Variants in IPO11 observed in about 807,000 individuals in gnomAD.
IPO11 encodes importin-11.
In IPO11, 66 loss-of-function variants were observed where a neutral mutation model predicts 143.2. The ratio of observed to expected loss-of-function variants is 0.46; its 90% CI spans 0.38 to 0.57. The LOEUF (loss-of-function observed/expected upper bound fraction) is 0.57, where lower values mean the gene tolerates loss of function less well. Ranked by LOEUF, IPO11 falls within the 20% of genes least tolerant of loss-of-function variation. The probability of loss-of-function intolerance (pLI) is 0.00; values close to 1 mark genes in which losing one functional copy is unlikely to be tolerated. For synonymous variants in IPO11, 385 were observed against 377.8 expected (o/e 1.02, Z -0.22); for missense variants, 1,026 against 1,141.0 (o/e 0.90, Z 1.45).
At chr5:62,467,298 G>A in intron 6 of IPO11, 35 bp downstream of exon 6, 2 of 1,594,046 alleles carry the variant, frequency 1.3e-6, no homozygotes, top group Non-Finnish European at 1.7e-6. Flanking sequence ...TTTTTGAAAT[G>A]AGATACCTCA....
intron 9 of IPO11, among the ~76,000 whole-genome samples, chr5:62,477,658 A>G (rs1746007931): frequency 6.6e-6 from 1 of 152,260 alleles, no homozygotes; most frequent in South Asian, 2.1e-4. Flanking sequence ...TACAGTATAT[A>G]TCACTGACAC....
At chr5:62,492,036 A>G (rs1746633075) in intron 15 of IPO11, among the ~76,000 whole-genome samples, 1 of 152,186 alleles carries the variant, frequency 6.6e-6, no homozygotes, top group African/African-American at 2.4e-5. Flanking sequence ...GATGTAGACC[A>G]GTGTTTCTCA....
chr5:62,438,855 T>C (rs925852676), intron 2 of IPO11, among the ~76,000 whole-genome samples: 20 of 151,986 alleles, frequency 1.3e-4, no homozygotes, highest in African/African-American at 4.8e-4. Flanking sequence ...ACCAGGAGAT[T>C]GAGACCATCC....
At chr5:62,533,952 T>TAA (rs745795199) in intron 22 of IPO11, among the ~76,000 whole-genome samples, 5 of 58,732 alleles carry the variant, frequency 8.5e-5, no homozygotes, top group Non-Finnish European at 1.4e-4. Context: ...GCTTTCTCTT[T>TAA]AAAAAAAAAA....
At chr5:62,436,935 C>T (rs192647919) in intron 1 of IPO11, among the ~76,000 whole-genome samples, 141 of 152,302 alleles carry the variant, frequency 9.3e-4, no homozygotes, top group African/African-American at 3.3e-3. Flanking sequence ...AGACAGAAGA[C>T]ATTATGCTTA....
intron 1 of IPO11, among the ~76,000 whole-genome samples, chr5:62,416,970 C>T (rs1023578835): frequency 8.6e-5 from 13 of 151,944 alleles, no homozygotes; most frequent in Admixed American, 2.0e-4. Context: ...TGGGTTCAAG[C>T]GATCCACTGG....
chr5:62,458,546 C>T (rs1169630559), intron 5 of IPO11, among the ~76,000 whole-genome samples: 1 of 152,140 alleles, frequency 6.6e-6, no homozygotes, highest in African/African-American at 2.4e-5. Flanking sequence ...AATGATCTGC[C>T]CGCCTTGACC....
At chr5:62,515,302 C>A in intron 19 of IPO11, 86 bp from the exon 20 acceptor site, 2 of 769,882 alleles carry the variant, frequency 2.6e-6, no homozygotes, top group South Asian at 1.9e-5. Context: ...CTGTCTGGGA[C>A]TTAATAGTGC....
At chr5:62,431,935 A>G (rs1744001353) in intron 1 of IPO11, among the ~76,000 whole-genome samples, 1 of 31,060 alleles carries the variant, frequency 3.2e-5, no homozygotes, top group South Asian at 9.3e-4. Context: ...AGCAAGACTC[A>G]CATACATACA....
At chr5:62,584,750 GTT>G (rs546235754) in intron 27 of IPO11, among the ~76,000 whole-genome samples, 1 of 131,414 alleles carries the variant, frequency 7.6e-6, no homozygotes. Context: ...TTTTGTTTTT[GTT>G]TTTTTTTTTT....
chr5:62,536,273 A>C (rs1016989923), intron 22 of IPO11, among the ~76,000 whole-genome samples: 1 of 152,080 alleles, frequency 6.6e-6, no homozygotes, highest in Non-Finnish European at 1.5e-5. Flanking sequence ...GTAAAAATTT[A>C]TTTTGAAATG....
At position 62,412,763 on chromosome 5, in the gene IPO11, G is replaced by A. The variant is rs1743160026; in HGVS notation, c.-173G>A. ...TGTGACGTAGTTTTCGCGCGTCCGCGTCGTTTGGAGCTGCGACGCCAAACA... is the reference window on the plus strand; with the variant it reads ...TGTGACGTAGTTTTCGCGCGTCCGCATCGTTTGGAGCTGCGACGCCAAACA... On this transcript the variant is annotated 5_prime_UTR_variant, in exon 1 of 30. Coordinates refer to ENST00000325324, the MANE Select transcript of IPO11 (RefSeq NM_016338.5). The A allele has an allele frequency of 6.5e-6, 1 of 152,738 alleles. No individual in the cohort carries two copies. Among genetic ancestry groups the A allele is most frequent in the African/African-American group, 2.4e-5 (1 of 41,470 alleles). 9.5% of individuals were successfully genotyped at this position (152,738 alleles called of 1,614,324 possible).
At chr5:62,586,626 G>A (rs972709912) in intron 27 of IPO11, among the ~76,000 whole-genome samples, 3 of 151,050 alleles carry the variant, frequency 2.0e-5, no homozygotes, top group South Asian at 2.1e-4. Context: ...TGGCACATGC[G>A]TGTATTCCCA....
chr5:62,449,648 T>C (rs2112157955), intron 3 of IPO11: 1 of 223,212 alleles, frequency 4.5e-6, no homozygotes, highest in South Asian at 1.7e-4. Context: ...TGAAGGAATT[T>C]TATGCTTCCG....
At chr5:62,517,707 A>G (rs919442384) in intron 20 of IPO11, among the ~76,000 whole-genome samples, 6 of 152,070 alleles carry the variant, frequency 3.9e-5, no homozygotes, top group Admixed American at 3.9e-4. Context: ...CCGGCCTCCA[A>G]GATGTACTTT....
intron 22 of IPO11, 40 bp from the exon 23 acceptor site, chr5:62,536,662 A>G (rs754630589): frequency 6.4e-7 from 1 of 1,562,800 alleles, no homozygotes; most frequent in Admixed American, 2.1e-5. Flanking sequence ...TGAGCAGTGA[A>G]TTAATTTGGT....
chr5:62,430,955 G>A (rs1191471530), intron 1 of IPO11, among the ~76,000 whole-genome samples: 1 of 151,546 alleles, frequency 6.6e-6, no homozygotes, highest in Non-Finnish European at 1.5e-5. Context: ...TATTACAGGT[G>A]TGAGCCACGT....
At position 62,570,320 on chromosome 5, in the gene IPO11, A is replaced by G. The variant is rs374358213; in HGVS notation, c.2582+9063A>G. On this transcript the variant is annotated intron_variant, in intron 27 of 29. Coordinates refer to ENST00000325324, the MANE Select transcript of IPO11 (RefSeq NM_016338.5). ...ATTCCCCTCTCCACTCCCCCCAAAA[A>G]AGTCCCACACTTTTTGAAGTATTTT... Among the ~76,000 whole-genome samples the G allele has an allele frequency of 6.6e-3, 1,002 of 152,240 alleles. 14 individuals are homozygous for G. Among genetic ancestry groups the G allele is most frequent in the African/African-American group, 0.021 (855 of 41,544 alleles).
chr5:62,561,283 G>A (rs1426018262), intron 27 of IPO11, 26 bp downstream of exon 27: 1 of 1,261,656 alleles, frequency 7.9e-7, no homozygotes, highest in East Asian at 2.5e-5. Flanking sequence ...CTTAAAATTT[G>A]TTTCTTTCAA....
Sources: allele counts gnomAD v4.1 joint callset (sites outside exome capture counted in the v4.1 genomes callset), GRCh38; gene constraint gnomAD v4.1.1; transcripts MANE v1.5; gene names NCBI Gene and HGNC (gene_info 2026-07-23, HGNC 2026-07-21).